COG5: variants seen among roughly 807,000 people sequenced by gnomAD.
COG5 encodes the protein component of oligomeric golgi complex 5.
COG5 carries 86 observed loss-of-function variants against 110.4 expected under a neutral mutation model. That is an observed-to-expected ratio of 0.78 (90% CI 0.65 to 0.93). The LOEUF is 0.93. COG5 is among the 40% of genes least tolerant of loss of function. COG5 has a pLI of 0.00. For synonymous variants in COG5, 360 were observed against 334.6 expected (o/e 1.08, Z -0.83); for missense variants, 1,077 against 987.0 (o/e 1.09, Z -1.22).
intron 10 of COG5, among the ~76,000 whole-genome samples, chr7:107,328,160 G>A (rs1809929960): frequency 6.6e-6 from 1 of 152,170 alleles, no homozygotes; most frequent in Non-Finnish European, 1.5e-5. Context: ...AAAAATCACA[G>A]AATGTACTTA....
intron 6 of COG5, among the ~76,000 whole-genome samples, chr7:107,426,493 G>A (rs940041804): frequency 1.3e-5 from 2 of 152,100 alleles, no homozygotes; most frequent in African/African-American, 4.8e-5. Flanking sequence ...CAAGATCAGG[G>A]TGCCAACATG....
In COG5 at chr7:107,374,382, A is replaced by G. The variant is rs576319938; in HGVS notation, c.670-1622T>C. 5.3e-5 allele frequency among the ~76,000 whole-genome samples: 8 copies of G among 152,212 alleles called. No homozygotes were observed. In the East Asian group the frequency reaches 9.6e-4, roughly 18 times the overall value. ...ACATCAAAGAATACTTTCACCTCAT[A>G]AAACTAGAATACAGATATACTTTAA... On this transcript the variant is annotated intron_variant, in intron 7 of 21. Coordinates refer to ENST00000297135, the MANE Select transcript of COG5 (RefSeq NM_006348.5).
chr7:107,433,607 A>G (rs923756189), intron 6 of COG5, among the ~76,000 whole-genome samples: 3 of 152,218 alleles, frequency 2.0e-5, no homozygotes, highest in Non-Finnish European at 2.9e-5. Context: ...GGTGGTGGGA[A>G]AACTGGATAT....
chr7:107,504,294 T>G (rs1014526164), intron 6 of COG5, among the ~76,000 whole-genome samples: 3 of 152,230 alleles, frequency 2.0e-5, no homozygotes, highest in Non-Finnish European at 4.4e-5. Flanking sequence ...ATGTGATATA[T>G]CACATTTATT....
intron 6 of COG5, among the ~76,000 whole-genome samples, chr7:107,464,018 G>C (rs1796156398): frequency 6.6e-6 from 1 of 152,080 alleles, no homozygotes; most frequent in South Asian, 2.1e-4. Flanking sequence ...CTAAAAAAAA[G>C]TCTGAATTTC....
chr7:107,250,862 T>C, intron 16 of COG5, among the ~76,000 whole-genome samples: 1 of 151,868 alleles, frequency 6.6e-6, no homozygotes, highest in Non-Finnish European at 1.5e-5. Context: ...TACTAAAAAA[T>C]AATTAAACCT....
chr7:107,535,575 T>A (rs914732936), intron 5 of COG5, among the ~76,000 whole-genome samples: 1 of 152,110 alleles, frequency 6.6e-6, no homozygotes, highest in Non-Finnish European at 1.5e-5. Flanking sequence ...AATGGATACA[T>A]TCCTGGACAT....
chr7:107,434,287 A>G (rs956848169), intron 6 of COG5, among the ~76,000 whole-genome samples: 1 of 152,218 alleles, frequency 6.6e-6, no homozygotes, highest in Admixed American at 6.5e-5. Flanking sequence ...TAAAATTAGA[A>G]TCACCATATG....
chr7:107,316,811 A>G (rs1303960768), intron 11 of COG5, among the ~76,000 whole-genome samples: 1 of 151,946 alleles, frequency 6.6e-6, no homozygotes, highest in Non-Finnish European at 1.5e-5. Flanking sequence ...AGCCGGGGGG[A>G]CACAGTGAGA....
chr7:107,262,308 G>A (rs896322942), intron 14 of COG5, among the ~76,000 whole-genome samples: 5 of 152,038 alleles, frequency 3.3e-5, no homozygotes, highest in African/African-American at 4.8e-5. Flanking sequence ...CTTCCTTTCT[G>A]GATTAGATTA....
chr7:107,481,626 A>G (rs1797353027), intron 6 of COG5, among the ~76,000 whole-genome samples: 1 of 152,172 alleles, frequency 6.6e-6, no homozygotes, highest in Admixed American at 6.6e-5. Context: ...TTCATCCAAA[A>G]TATTGCTAAT....
At chr7:107,546,368 ATAAAT>A (rs1364743688) in intron 5 of COG5, among the ~76,000 whole-genome samples, 1 of 152,016 alleles carries the variant, frequency 6.6e-6, no homozygotes, top group African/African-American at 2.4e-5. Flanking sequence ...CAGGGCAGAA[ATAAAT>A]TAAATACAGA....
chr7:107,500,284 C>G (rs1411074187), intron 6 of COG5, among the ~76,000 whole-genome samples: 3 of 151,910 alleles, frequency 2.0e-5, no homozygotes, highest in Non-Finnish European at 4.4e-5. Flanking sequence ...GCATTCTCCT[C>G]AAGAAGCGAC....
chr7:107,425,343 C>CAAA (rs35373213), intron 6 of COG5, among the ~76,000 whole-genome samples: 1 of 111,300 alleles, frequency 9.0e-6, no homozygotes. Context: ...ACTCTGTCTC[C>CAAA]AAAAAAAAAA....
At chr7:107,260,863 C>G (rs1667542777) in intron 14 of COG5, among the ~76,000 whole-genome samples, 1 of 152,034 alleles carries the variant, frequency 6.6e-6, no homozygotes, top group Admixed American at 6.6e-5. Context: ...TTTTACCGCC[C>G]AGAATATAAT....
chr7:107,320,322 A>G (rs1440001682), intron 11 of COG5, among the ~76,000 whole-genome samples: 1 of 152,252 alleles, frequency 6.6e-6, no homozygotes, highest in Non-Finnish European at 1.5e-5. Context: ...AATAGCAACA[A>G]CAGGGATTTA....
At chr7:107,484,382 A>G (rs1797530026) in intron 6 of COG5, among the ~76,000 whole-genome samples, 1 of 152,170 alleles carries the variant, frequency 6.6e-6, no homozygotes, top group African/African-American at 2.4e-5. Flanking sequence ...TTTTTATTTT[A>G]GGCTCTTTCT....
At chr7:107,400,369 G>A (rs1231075744) in intron 7 of COG5, among the ~76,000 whole-genome samples, 1 of 152,044 alleles carries the variant, frequency 6.6e-6, no homozygotes, top group Non-Finnish European at 1.5e-5. Context: ...ACAAAAAGTT[G>A]CTGCCTGTAA....
chr7:107,501,252 G>A (rs570855160), intron 6 of COG5, among the ~76,000 whole-genome samples: 15 of 151,766 alleles, frequency 9.9e-5, no homozygotes, highest in African/African-American at 3.6e-4. Context: ...ATACTAGAAG[G>A]GAAAAGAACT....
Sources: gnomAD v4.1 joint callset for allele counts (sites outside exome capture counted in the v4.1 genomes callset) on GRCh38, gnomAD v4.1.1 for gene constraint, MANE v1.5 for transcripts, NCBI Gene and HGNC (gene_info 2026-07-23, HGNC 2026-07-21) for gene names.